SCN2A: variants seen among roughly 807,000 people sequenced by gnomAD.
SCN2A encodes sodium voltage-gated channel alpha subunit 2, also known as sodium channel protein type 2 subunit alpha.
In SCN2A, 20 loss-of-function variants were observed where a neutral mutation model predicts 188.7. That is an observed-to-expected ratio of 0.11 (90% CI 0.07 to 0.15). The LOEUF (loss-of-function observed/expected upper bound fraction) is 0.15. SCN2A is among the 10% of genes least tolerant of loss of function. The pLI is 1.00. For missense variants in SCN2A, 1,278 were observed against 2,445.0 expected (o/e 0.52, Z 10.07); for synonymous variants, 804 against 833.1 (o/e 0.97, Z 0.60).
chr2:165,278,557 G>A (rs886098844), intron 1 of SCN2A, among the ~76,000 whole-genome samples: 4 of 152,138 alleles, frequency 2.6e-5, no homozygotes, highest in Non-Finnish European at 2.9e-5. Context: ...GACACTCGGG[G>A]ATTATGGAGA....
intron 1 of SCN2A, among the ~76,000 whole-genome samples, chr2:165,265,699 A>G (rs1445026003): frequency 6.6e-6 from 1 of 150,918 alleles, no homozygotes; most frequent in African/African-American, 2.4e-5. Flanking sequence ...TTTGCCTGAA[A>G]CAACACAGTA....
chr2:165,306,453 TTTTG>T (rs1360497931), intron 3 of SCN2A, among the ~76,000 whole-genome samples: 2 of 152,056 alleles, frequency 1.3e-5, no homozygotes, highest in African/African-American at 4.8e-5. Context: ...TAATTTAGTT[TTTTG>T]TTTGTTATAG....
chr2:165,306,526 G>T (rs1048170945), intron 3 of SCN2A, among the ~76,000 whole-genome samples: 6 of 131,118 alleles, frequency 4.6e-5, no homozygotes, highest in African/African-American at 1.5e-4. Context: ...GTGTGTGTGT[G>T]TGTGTGTGTG....
At chr2:165,363,797 T>C (rs1700583744) in intron 17 of SCN2A, among the ~76,000 whole-genome samples, 1 of 152,096 alleles carries the variant, frequency 6.6e-6, no homozygotes, top group Non-Finnish European at 1.5e-5. Flanking sequence ...TTTAACTTTT[T>C]TGGACAAATT....
At chr2:165,276,503 A>G (rs1371101587) in intron 1 of SCN2A, among the ~76,000 whole-genome samples, 1 of 152,232 alleles carries the variant, frequency 6.6e-6, no homozygotes, top group East Asian at 1.9e-4. Context: ...GTGCTAAAAA[A>G]TGACAAGAAA....
intron 1 of SCN2A, among the ~76,000 whole-genome samples, chr2:165,287,656 G>C (rs1695912296): frequency 6.6e-6 from 1 of 152,090 alleles, no homozygotes; most frequent in Non-Finnish European, 1.5e-5. Context: ...CTACTGCCTT[G>C]CTCATGTCTG....
intron 11 of SCN2A, among the ~76,000 whole-genome samples, chr2:165,317,460 T>G (rs999258608): frequency 6.6e-5 from 10 of 152,108 alleles, no homozygotes; most frequent in Non-Finnish European, 1.0e-4. Flanking sequence ...TTTGTCTGAA[T>G]TTTTGCCTGA....
At chr2:165,291,402 TCCTTCCTTCCTTCCTCCCTG>T (rs1559339890) in intron 1 of SCN2A, among the ~76,000 whole-genome samples, 1 of 127,816 alleles carries the variant, frequency 7.8e-6, no homozygotes, top group Non-Finnish European at 1.7e-5. Context: ...CTTCCTTCCT[TCCTTCCTTCCTTCCTCCCTG>T]TCTGTCTTTC....
intron 16 of SCN2A, among the ~76,000 whole-genome samples, chr2:165,347,868 T>A (rs1180317703): frequency 6.6e-6 from 1 of 152,102 alleles, no homozygotes; most frequent in East Asian, 1.9e-4. Flanking sequence ...AACTGAGATG[T>A]AAGATTTAGC....
intron 1 of SCN2A, among the ~76,000 whole-genome samples, chr2:165,252,676 G>A (rs1694146699): frequency 1.3e-5 from 2 of 152,040 alleles, no homozygotes; most frequent in Non-Finnish European, 2.9e-5. Flanking sequence ...CTTCAGGGAT[G>A]ATTACAAGGT....
At chr2:165,373,824 T>C (rs969249300) in intron 21 of SCN2A, among the ~76,000 whole-genome samples, 1 of 152,082 alleles carries the variant, frequency 6.6e-6, no homozygotes, top group Non-Finnish European at 1.5e-5. Flanking sequence ...AACGCTCATT[T>C]AGAAGGGTGG....
chr2:165,338,145 G>GAGA (rs1699099507), intron 14 of SCN2A, among the ~76,000 whole-genome samples: 1 of 152,114 alleles, frequency 6.6e-6, no homozygotes, highest in Non-Finnish European at 1.5e-5. Context: ...ACTTATAAGT[G>GAGA]AGAACATGCA....
intron 17 of SCN2A, among the ~76,000 whole-genome samples, chr2:165,360,894 C>T (rs1700429062): frequency 6.6e-6 from 1 of 151,896 alleles, no homozygotes; most frequent in African/African-American, 2.4e-5. Context: ...TTTACAGGCA[C>T]TCTTTATCTG....
intron 1 of SCN2A, among the ~76,000 whole-genome samples, chr2:165,256,649 C>T (rs544503956): frequency 7.9e-5 from 12 of 152,276 alleles, no homozygotes; most frequent in East Asian, 3.9e-4. Context: ...CAGGTATCCA[C>T]GCTATATCCA....
intron 12 of SCN2A, among the ~76,000 whole-genome samples, chr2:165,325,132 A>T (rs1698281833): frequency 6.6e-6 from 1 of 152,188 alleles, no homozygotes; most frequent in African/African-American, 2.4e-5. Context: ...GGGTAAACAA[A>T]AGCAAATCTA....
At chr2:165,330,887 A>G (rs1167028139) in intron 13 of SCN2A, among the ~76,000 whole-genome samples, 1 of 152,182 alleles carries the variant, frequency 6.6e-6, no homozygotes, top group African/African-American at 2.4e-5. Flanking sequence ...TCTAATTAGA[A>G]GATCACCAAA....
At chr2:165,370,450 C>T (rs1357213258) in intron 20 of SCN2A, 151 bp downstream of exon 20, 4 of 771,578 alleles carry the variant, frequency 5.2e-6, no homozygotes, top group Non-Finnish European at 9.0e-6. Flanking sequence ...TGCCTCAAAA[C>T]ATTTTTTACC....
At chr2:165,342,588 C>CA in intron 15 of SCN2A, 119 bp downstream of exon 15, 1 of 1,099,166 alleles carries the variant, frequency 9.1e-7, no homozygotes. Context: ...ACTTCTAAAA[C>CA]AAATTGGATT....
At chr2:165,314,237 G>C (rs1233599036) in intron 10 of SCN2A, 129 bp downstream of exon 10, 1 of 890,244 alleles carries the variant, frequency 1.1e-6, no homozygotes, top group East Asian at 2.6e-5. Flanking sequence ...CTAGGAGCCT[G>C]TTTGGTTATT....
Sources: gnomAD v4.1 joint callset for allele counts (sites outside exome capture counted in the v4.1 genomes callset) on GRCh38, gnomAD v4.1.1 for gene constraint, MANE v1.5 for transcripts, NCBI Gene and HGNC (gene_info 2026-07-23, HGNC 2026-07-21) for gene names.